Variants in EGFLAM observed in about 807,000 individuals in gnomAD.
The protein encoded by EGFLAM is EGF like, fibronectin type III and laminin G domains, also known as pikachurin.
Under a neutral mutation model 113.1 loss-of-function variants are expected in EGFLAM, and 79 were observed. That is an observed-to-expected ratio of 0.70 (90% CI 0.58 to 0.84). EGFLAM has a LOEUF of 0.84. EGFLAM is among the 40% of genes least tolerant of loss of function. The probability of loss-of-function intolerance (pLI) is 0.00; values close to 1 mark genes in which losing one functional copy is unlikely to be tolerated. For synonymous variants in EGFLAM, 504 were observed against 487.6 expected (o/e 1.03, Z -0.44); for missense variants, 1,265 against 1,291.6 (o/e 0.98, Z 0.32).
chr5:38,360,514 G>A (rs554714782), intron 5 of EGFLAM, among the ~76,000 whole-genome samples: 14 of 152,260 alleles, frequency 9.2e-5, no homozygotes, highest in Middle Eastern at 3.4e-3. Flanking sequence ...GATGGATTGC[G>A]TAACACACAG....
Position 38,427,009 on chromosome 5 carries a change from C to T in EGFLAM, c.1811C>T (p.Ala604Val), listed in dbSNP as rs1206078053. ...TCTAACACCATGCTTGTTTTTTCAG[C>T]TTTCACCTTGACCATTCCTCAGTTC... ...LGFKGRHCED[A>V]FTLTIPQFRE... The change falls in exon 14 of 22, where the codon GCT becomes GTT. Residue 604 changes from alanine (A) to valine (V), a missense_variant and splice_region_variant. Coordinates refer to ENST00000322350, the MANE Select transcript of EGFLAM (RefSeq NM_152403.4). 1.9e-6 allele frequency: 3 copies of T among 1,613,502 alleles called. No individual in the cohort carries two copies. The highest frequency in any genetic ancestry group is 1.3e-5 in the African/African-American group (1 of 74,914).
chr5:38,457,348 T>C (rs1743122109), intron 19 of EGFLAM, among the ~76,000 whole-genome samples: 1 of 152,142 alleles, frequency 6.6e-6, no homozygotes, highest in East Asian at 1.9e-4. Flanking sequence ...AGGCTAGAAA[T>C]CCACCATGCA....
intron 6 of EGFLAM, among the ~76,000 whole-genome samples, chr5:38,388,969 AT>A (rs1168598140): frequency 3.3e-5 from 5 of 151,650 alleles, no homozygotes; most frequent in Non-Finnish European, 7.4e-5. Flanking sequence ...AGTGAAAATA[AT>A]TTTTTTTCTG....
chr5:38,381,253 T>C (rs1205234211), intron 6 of EGFLAM, among the ~76,000 whole-genome samples: 2 of 152,194 alleles, frequency 1.3e-5, no homozygotes, highest in South Asian at 4.1e-4. Context: ...TTCATTGGGA[T>C]CATTTCTTAG....
intron 1 of EGFLAM, among the ~76,000 whole-genome samples, chr5:38,327,133 T>C (rs546894051): frequency 3.9e-5 from 6 of 152,302 alleles, no homozygotes; most frequent in African/African-American, 7.2e-5. Context: ...TTACCTTTTG[T>C]TATTGACAGC....
At chr5:38,395,854 T>A (rs1379193029) in intron 6 of EGFLAM, among the ~76,000 whole-genome samples, 1 of 152,166 alleles carries the variant, frequency 6.6e-6, no homozygotes, top group Non-Finnish European at 1.5e-5. Flanking sequence ...ACTATGTATG[T>A]CAATTTTCGG....
chr5:38,455,635 C>T (rs896667936), intron 19 of EGFLAM, among the ~76,000 whole-genome samples: 13 of 151,970 alleles, frequency 8.6e-5, no homozygotes, highest in Non-Finnish European at 1.9e-4. Flanking sequence ...TCAGAGGAAG[C>T]GGGAGGTTCT....
chr5:38,339,327 T>C (rs1394505110), intron 3 of EGFLAM, among the ~76,000 whole-genome samples: 1 of 152,230 alleles, frequency 6.6e-6, no homozygotes, highest in Admixed American at 6.5e-5. Context: ...AGTGAATTTT[T>C]GGCCTTAGGC....
chr5:38,454,996 T>C (rs1302083055), intron 19 of EGFLAM, among the ~76,000 whole-genome samples: 9 of 152,330 alleles, frequency 5.9e-5, no homozygotes, highest in Non-Finnish European at 1.5e-5. Flanking sequence ...TTGTTTTGTT[T>C]CATTTTGTTT....
chr5:38,442,762 G>A (rs1742587594), intron 17 of EGFLAM, among the ~76,000 whole-genome samples: 1 of 152,044 alleles, frequency 6.6e-6, no homozygotes, highest in Non-Finnish European at 1.5e-5. Context: ...CTTTGTTAGG[G>A]AACCAGGAGC....
chr5:38,261,343 A>G (rs575273498), intron 1 of EGFLAM, among the ~76,000 whole-genome samples: 11 of 152,334 alleles, frequency 7.2e-5, no homozygotes, highest in Admixed American at 7.2e-4. Context: ...ATTAAATCAT[A>G]ATAACTAACA....
chr5:38,263,470 G>A (rs550985229), intron 1 of EGFLAM, among the ~76,000 whole-genome samples: 1 of 152,142 alleles, frequency 6.6e-6, no homozygotes, highest in Admixed American at 6.5e-5. Context: ...TCAAAAAAAA[G>A]AAACAAAAAA....
chr5:38,374,870 C>T (rs1417431192), intron 6 of EGFLAM, among the ~76,000 whole-genome samples: 1 of 152,196 alleles, frequency 6.6e-6, no homozygotes, highest in Non-Finnish European at 1.5e-5. Context: ...AGTCTGATCT[C>T]TTTCACTGTC....
At position 38,426,918 on chromosome 5, in the gene EGFLAM, T is replaced by C. The variant is rs536312773; in HGVS notation, c.1811-91T>C. On this transcript the variant is annotated intron_variant, in intron 13 of 21. Coordinates refer to ENST00000322350, the MANE Select transcript of EGFLAM (RefSeq NM_152403.4). ...GCTGCTGGGAATTGTAGTTTAGGTCTGTACCCAGGAGGGAAAGAACACAGC... is the reference window on the plus strand; with the variant it reads ...GCTGCTGGGAATTGTAGTTTAGGTCCGTACCCAGGAGGGAAAGAACACAGC... The C allele has an allele frequency of 2.7e-5, 41 of 1,544,968 alleles. No individual in the cohort carries two copies. The East Asian group carries it at 9.0e-4, about 34-fold the overall frequency.
intron 6 of EGFLAM, chr5:38,400,150 C>G (rs907832442): frequency 4.6e-5 from 7 of 152,168 alleles, no homozygotes; most frequent in African/African-American, 7.2e-5. Flanking sequence ...GTCACCCAAG[C>G]CATTTATGTC....
At chr5:38,351,951 G>T (rs1739636747) in intron 4 of EGFLAM, among the ~76,000 whole-genome samples, 1 of 152,138 alleles carries the variant, frequency 6.6e-6, no homozygotes, top group African/African-American at 2.4e-5. Context: ...CGGGGAGAAG[G>T]GGAGACCAGC....
chr5:38,429,722 A>G (rs1268101081), intron 14 of EGFLAM, among the ~76,000 whole-genome samples: 1 of 152,214 alleles, frequency 6.6e-6, no homozygotes, highest in Non-Finnish European at 1.5e-5. Flanking sequence ...AATTTCAAAC[A>G]TATAGAAAAA....
intron 5 of EGFLAM, among the ~76,000 whole-genome samples, chr5:38,361,953 C>T (rs1413527132): frequency 6.6e-6 from 1 of 151,644 alleles, no homozygotes; most frequent in Non-Finnish European, 1.5e-5. Flanking sequence ...TATTTTCACA[C>T]TAGCGGTTAC....
At chr5:38,274,679 G>A (rs1757843783) in intron 1 of EGFLAM, among the ~76,000 whole-genome samples, 1 of 152,140 alleles carries the variant, frequency 6.6e-6, no homozygotes, top group Non-Finnish European at 1.5e-5. Context: ...ATCACCACCA[G>A]ACCTGTCTTA....
Sources: gnomAD v4.1 joint callset for allele counts (sites outside exome capture counted in the v4.1 genomes callset) on GRCh38, gnomAD v4.1.1 for gene constraint, MANE v1.5 for transcripts, NCBI Gene and HGNC (gene_info 2026-07-23, HGNC 2026-07-21) for gene names.